Variants in PLEKHM2 observed in about 807,000 individuals in gnomAD.
The protein encoded by PLEKHM2 is pleckstrin homology domain-containing family M member 2.
Under a neutral mutation model 116.3 loss-of-function variants are expected in PLEKHM2, and 77 were observed. The observed-to-expected ratio is 0.66, with a 90% CI of 0.55 to 0.80. PLEKHM2 has a LOEUF of 0.80. Among genes scored for constraint, PLEKHM2 ranks in the 30% least tolerant of loss-of-function variants. The probability of loss-of-function intolerance (pLI) is 0.00; values close to 1 mark genes in which losing one functional copy is unlikely to be tolerated. For synonymous variants in PLEKHM2, 562 were observed against 571.0 expected (o/e 0.98, Z 0.22); for missense variants, 1,183 against 1,354.9 (o/e 0.87, Z 1.99).
In PLEKHM2 at chr1:15,730,533, C is replaced by A; in HGVS notation, c.2210C>A (p.Ala737Glu). Reference sequence around the variant, plus strand: ...CCCCCGTGCCCGCCCCCGCATCAGGCATCTGCTGTCACCGTGCGCTTCTAC... The same window carrying A: ...CCCCCGTGCCCGCCCCCGCATCAGGAATCTGCTGTCACCGTGCGCTTCTAC... ...KFVAQESKCE[A>E]SAVTVRFYGL... is the part of the protein sequence containing the mutation. The change falls in exon 15 of 20, where the codon GCA (alanine) becomes GAA (glutamate). Residue 737 changes from alanine to glutamate, a missense_variant and splice_region_variant. Transcript: ENST00000375799. 6.3e-7 allele frequency: 1 copy of A among 1,575,234 alleles called. No individual in the cohort carries two copies. The highest frequency in any genetic ancestry group is 8.6e-7 in the Non-Finnish European group (1 of 1,160,770).
intron 1 of PLEKHM2, among the ~76,000 whole-genome samples, chr1:15,703,196 G>A (rs1286999823): frequency 6.6e-6 from 1 of 152,170 alleles, no homozygotes; most frequent in Non-Finnish European, 1.5e-5. Flanking sequence ...AGTCGAACCT[G>A]CCAGGCCAGG....
rs1026141516 is a variant in PLEKHM2, at chr1:15,721,256, C to G, written c.653-73C>G. On this transcript the variant is annotated intron_variant, in intron 6 of 19. Coordinates refer to ENST00000375799, the MANE Select transcript of PLEKHM2 (RefSeq NM_015164.4). The surrounding 1 kb of genome is among the most constrained non-coding windows in gnomAD (Gnocchi z 5.1). ...TCTCCCCATGTCTCCCACCCCATTT[C>G]CCCTCCCCTCCCTCCAGTCATCCTT... 7.2e-5 allele frequency: 43 copies of G among 593,944 alleles called. No homozygotes were observed. The highest frequency in any genetic ancestry group is 3.0e-4 in the Middle Eastern group (1 of 3,292). The allele number at this position is 593,944 out of a possible 1,614,324, so 36.8% of individuals were successfully genotyped here.
At chr1:15,731,831 G>C (rs1246519234) in intron 16 of PLEKHM2, 58 bp from the exon 17 acceptor site, 2 of 1,473,984 alleles carry the variant, frequency 1.4e-6, no homozygotes, top group African/African-American at 2.8e-5. Flanking sequence ...CCTGGGGGCT[G>C]TCGCCCCGTG....
At chr1:15,711,616 CAAAAAAA>C (rs59444789) in intron 1 of PLEKHM2, among the ~76,000 whole-genome samples, 24 of 119,720 alleles carry the variant, frequency 2.0e-4, no homozygotes, top group South Asian at 5.4e-4. Flanking sequence ...GGCTCCATCT[CAAAAAAA>C]AAAAAGAAAA....
chr1:15,698,525 T>G (rs928165850), intron 1 of PLEKHM2, among the ~76,000 whole-genome samples: 3 of 149,974 alleles, frequency 2.0e-5, no homozygotes, highest in African/African-American at 7.4e-5. Flanking sequence ...TTGTTTTTCT[T>G]TCTTTTTCTT....
chr1:15,724,898 G>A (rs537653756), intron 7 of PLEKHM2, among the ~76,000 whole-genome samples: 1 of 152,208 alleles, frequency 6.6e-6, no homozygotes, highest in Admixed American at 6.5e-5. Flanking sequence ...GGGTACCCCT[G>A]TAGCGTCCTG....
At chr1:15,693,688 A>T (rs1640933318) in intron 1 of PLEKHM2, among the ~76,000 whole-genome samples, 1 of 152,228 alleles carries the variant, frequency 6.6e-6, no homozygotes, top group Non-Finnish European at 1.5e-5. Context: ...GAACTCATCC[A>T]GCTGGAGCCC....
At chr1:15,711,395 C>T (rs1033216810) in intron 1 of PLEKHM2, among the ~76,000 whole-genome samples, 15 of 151,882 alleles carry the variant, frequency 9.9e-5, no homozygotes, top group African/African-American at 2.2e-4. Flanking sequence ...GTGGGCAGAT[C>T]TCTTGAGCTC....
At chr1:15,713,670 CTG>C (rs935244435) in intron 1 of PLEKHM2, among the ~76,000 whole-genome samples, 16 of 151,716 alleles carry the variant, frequency 1.1e-4, no homozygotes, top group Non-Finnish European at 2.2e-4. Flanking sequence ...GAGTCTTGCT[CTG>C]TTGCCCAGGC....
At chr1:15,686,108 A>G (rs1640764270) in intron 1 of PLEKHM2, among the ~76,000 whole-genome samples, 1 of 152,244 alleles carries the variant, frequency 6.6e-6, no homozygotes, top group South Asian at 2.1e-4. Context: ...TCACATGTAT[A>G]AGCATGAGTC....
rs1208552455 is a variant in PLEKHM2 at position 15,728,369 on chromosome 1, C to T, written c.1921+12C>T. 3 of 1,609,046 alleles carry T rather than the reference C, an allele frequency of 1.9e-6. No homozygotes were observed. The highest frequency in any genetic ancestry group is 2.5e-6 in the Non-Finnish European group (3 of 1,177,266). On this transcript the variant is annotated intron_variant, in intron 11 of 19. Transcript: ENST00000375799. The surrounding 1 kb of genome is among the most constrained non-coding windows in gnomAD (Gnocchi z 5.9). Reference sequence around the variant, plus strand: ...CCTGCTCCGGAAAGGTGCCCGCCGCCCCCGGGCAGACAGCGGGTTGTAGAC... The same window carrying T: ...CCTGCTCCGGAAAGGTGCCCGCCGCTCCCGGGCAGACAGCGGGTTGTAGAC...
At chr1:15,711,124 G>C (rs1399680388) in intron 1 of PLEKHM2, among the ~76,000 whole-genome samples, 1 of 152,180 alleles carries the variant, frequency 6.6e-6, no homozygotes, top group African/African-American at 2.4e-5. Context: ...CATTTTGGGA[G>C]GCCAAGGCAG....
intron 1 of PLEKHM2, among the ~76,000 whole-genome samples, chr1:15,709,344 G>T (rs186246513): frequency 1.3e-5 from 2 of 152,182 alleles, no homozygotes; most frequent in East Asian, 1.9e-4. Context: ...TTCCACTCCT[G>T]TTCTTTCAGA....
At chr1:15,687,550 A>G (rs950811579) in intron 1 of PLEKHM2, among the ~76,000 whole-genome samples, 4 of 152,096 alleles carry the variant, frequency 2.6e-5, no homozygotes, top group Admixed American at 1.3e-4. Flanking sequence ...CCATTCCTCA[A>G]TTTTACAAGG....
In PLEKHM2 at chr1:15,729,774, C is replaced by G. The variant is rs1273285120; in HGVS notation, c.2076-23C>G. 6.2e-7 allele frequency: 1 copy of G among 1,600,978 alleles called. No homozygotes were observed. Among genetic ancestry groups the G allele is most frequent in the South Asian group, 1.1e-5 (1 of 89,236 alleles). ...GAGGCCCTGTTCCCAGGCCTCTAAC[C>G]ACAAACCTCACTCCCTATGCAGGTT... On this transcript the variant is annotated intron_variant, in intron 13 of 19. Transcript: ENST00000375799. This position sits in a 1 kb window ranked among gnomAD's most constrained non-coding sequence, Gnocchi z 4.7.
At chr1:15,684,697 G>GGCGACCCTACTGCCGCAGGGACTC (rs369410677) in intron 1 of PLEKHM2, 79 bp downstream of exon 1, 3 of 795,264 alleles carry the variant, frequency 3.8e-6, no homozygotes, top group East Asian at 4.8e-5. Flanking sequence ...CTCCCGGGCC[G>GGCGACCCTACTGCCGCAGGGACTC]GGGCCCCCCG....
At chr1:15,716,215 G>T in intron 1 of PLEKHM2, 22 bp from the exon 2 acceptor site, 1 of 1,357,364 alleles carries the variant, frequency 7.4e-7, no homozygotes, top group East Asian at 2.4e-5. Context: ...TTCTGATTTG[G>T]AGGTGTTTTT....
intron 1 of PLEKHM2, among the ~76,000 whole-genome samples, chr1:15,710,662 TG>T (rs1641314216): frequency 6.6e-6 from 1 of 152,148 alleles, no homozygotes; most frequent in Non-Finnish European, 1.5e-5. Context: ...TTGAGGGGGC[TG>T]GGGTGGACTT....
rs1221794618 is a variant in PLEKHM2 at position 15,731,201 on chromosome 1, C to T, written c.2409C>T (p.Ile803=). The part of the protein sequence containing the change: ...KTCFVVLSNG[I]LYQYPDRTDV... ...TGTTGTGCCCCTGCAGCAACGGGAT[C>T]CTCTACCAGTACCCGGACCGCACCG... Residue 803 remains isoleucine (I), a synonymous_variant, in exon 16 of 20, where the codon ATC becomes ATT. Transcript: ENST00000375799. The T allele has an allele frequency of 6.3e-7, 1 of 1,597,638 alleles. No homozygotes were observed. The highest frequency in any genetic ancestry group is 1.1e-5 in the South Asian group (1 of 88,268).
Sources: allele counts gnomAD v4.1 joint callset (sites outside exome capture counted in the v4.1 genomes callset), GRCh38; gene constraint gnomAD v4.1.1; non-coding constraint Gnocchi (gnomAD v3.1); transcripts MANE v1.5; gene names NCBI Gene and HGNC (gene_info 2026-07-23, HGNC 2026-07-21).